Variants in SMTNL1 observed in about 807,000 individuals in gnomAD.
The protein encoded by SMTNL1 is smoothelin-like protein 1.
SMTNL1 carries 41 observed loss-of-function variants against 46.6 expected under a neutral mutation model. That is an observed-to-expected ratio of 0.88 (90% CI 0.69 to 1.14). The LOEUF is 1.14. SMTNL1 is among the 50% of genes most tolerant of loss of function. The pLI is 0.00. For synonymous variants in SMTNL1, 234 were observed against 234.2 expected (o/e 1.00, Z 0.01); for missense variants, 591 against 626.1 (o/e 0.94, Z 0.60).
intron 7 of SMTNL1, 147 bp from the exon 8 acceptor site, chr11:57,549,821 G>A: frequency 1.3e-6 from 1 of 789,692 alleles, no homozygotes; most frequent in East Asian, 2.6e-5. Flanking sequence ...GATATATAAT[G>A]GGATGATTGG....
chr11:57,545,810 A>T, intron 4 of SMTNL1, 71 bp from the exon 5 acceptor site: 1 of 687,184 alleles, frequency 1.5e-6, no homozygotes, highest in South Asian at 1.9e-5. Context: ...CTCCAGCCCC[A>T]CAGCCCCCTC....
chr11:57,545,857 A>C, intron 4 of SMTNL1, 24 bp from the exon 5 acceptor site: 3 of 1,603,730 alleles, frequency 1.9e-6, no homozygotes, highest in Non-Finnish European at 1.7e-6. Context: ...CCTCTCTCAC[A>C]CGTCTTTGGA....
intron 1 of SMTNL1, among the ~76,000 whole-genome samples, chr11:57,541,996 C>G (rs1944880737): frequency 6.6e-6 from 1 of 151,858 alleles, no homozygotes; most frequent in Non-Finnish European, 1.5e-5. Flanking sequence ...TGTGACCAGG[C>G]ACTGCTCATG....
chr11:57,543,614 C>A lies in SMTNL1; in HGVS notation c.733-10C>A. ...TGACCATGAGCTCACGCAGATCATG[C>A]TCATTCCAGGAGCCAGGCAGTCCCA... On this transcript the variant is annotated splice_polypyrimidine_tract_variant and intron_variant, in intron 2 of 7. Coordinates refer to ENST00000527972, the MANE Select transcript of SMTNL1 (RefSeq NM_001105565.3). The A allele has an allele frequency of 6.2e-7, 1 of 1,605,890 alleles. No individual in the cohort carries two copies.
rs1419187151 is a variant in SMTNL1 at position 57,550,094 on chromosome 11, G to A, written c.1467G>A (p.Val489=). Reference sequence around the variant, plus strand: ...GCAGCCTTGTGCAGAAAGGACTGGTGAAGACCAAGAAGAAGTGAGGAGGTG... The same window carrying A: ...GCAGCCTTGTGCAGAAAGGACTGGTAAAGACCAAGAAGAAGTGAGGAGGTG... ...LYRSLVQKGL[V]KTKKK is the part of the protein sequence containing the mutation. The change falls in exon 8 of 8, where the codon GTG becomes GTA. Residue 489 remains valine, a synonymous_variant. Coordinates refer to ENST00000527972, the MANE Select transcript of SMTNL1 (RefSeq NM_001105565.3). 2 of 1,613,188 alleles carry A rather than the reference G, an allele frequency of 1.2e-6. No individual in the cohort carries two copies. Among genetic ancestry groups the A allele is most frequent in the South Asian group, 2.2e-5 (2 of 90,908 alleles).
rs531344027 is a variant in SMTNL1, at chr11:57,538,649, T to C, written c.-3+1007T>C. On this transcript the variant is annotated intron_variant, in intron 1 of 7. Transcript: ENST00000527972. Reference sequence around the variant, plus strand: ...GTGGGAGCATATATTTGATGTGAGCTCTGGAGTGGAAGTTGGGATACTTGG... The same window carrying C: ...GTGGGAGCATATATTTGATGTGAGCCCTGGAGTGGAAGTTGGGATACTTGG... Among the ~76,000 whole-genome samples, 130 of 152,244 alleles carry C rather than the reference T, an allele frequency of 8.5e-4. 1 individual carries two copies. The highest frequency in any genetic ancestry group is 3.1e-3 in the African/African-American group (128 of 41,554).
At position 57,543,330 on chromosome 11, in the gene SMTNL1, G is replaced by T; in HGVS notation, c.688G>T (p.Glu230Ter). The T allele has an allele frequency of 1.2e-6, 2 of 1,613,994 alleles. No individual in the cohort carries two copies. Among genetic ancestry groups the T allele is most frequent in the Non-Finnish European group, 1.7e-6 (2 of 1,179,876 alleles). The part of the protein sequence containing the change: ...GKEEAKHGAK[E>*]EADAKEEAED... ...AGAGGAGGCCAAACATGGTGCAAAA[G>T]AGGAGGCTGATGCAAAAGAGGAGGC... The change falls in exon 2 of 8, where the codon GAG becomes TAG. Residue 230 changes from glutamate to a stop codon, truncating the protein, a stop_gained. Coordinates refer to ENST00000527972, the MANE Select transcript of SMTNL1 (RefSeq NM_001105565.3). LOFTEE classifies it high-confidence loss of function.
In SMTNL1 at chr11:57,545,934, G is replaced by T; in HGVS notation, c.971G>T (p.Gly324Val). Residue 324 changes from glycine (G) to valine (V), a missense_variant, in exon 5 of 8, where the codon GGG becomes GTG. Physicochemically the swap from Gly to Val is moderately radical, Grantham distance 109. Coordinates refer to ENST00000527972, the MANE Select transcript of SMTNL1 (RefSeq NM_001105565.3). Reference protein sequence around the residue: ...PQSPPESPSSGEKKEKAPERR... With the variant: ...PQSPPESPSSVEKKEKAPERR... ...AGTCCCCCTGAGTCCCCTTCCTCAG[G>T]GGAGAAGAAGGAGAAGGCACCAGAG... is the stretch of plus-strand genomic sequence containing the variant. 6.2e-7 allele frequency: 1 copy of T among 1,613,696 alleles called. No homozygotes were observed. Among genetic ancestry groups the T allele is most frequent in the Non-Finnish European group, 8.5e-7 (1 of 1,179,782 alleles).
chr11:57,543,366 G>C lies in SMTNL1; in HGVS notation c.724G>C (p.Glu242Gln). Residue 242 changes from glutamate to glutamine, a missense_variant, in exon 2 of 8, where the codon GAG (glutamate) becomes CAG (glutamine). Physicochemically the swap from Glu to Gln is conservative, Grantham distance 29. Transcript: ENST00000527972. ...TGCAAAAGAGGAGGCGGAGGATGCAGAGGAGGCAGTGAGTGAGGCAGGAAA... is the reference window on the plus strand; with the variant it reads ...TGCAAAAGAGGAGGCGGAGGATGCACAGGAGGCAGTGAGTGAGGCAGGAAA... ...ADAKEEAEDA[E>Q]EAEPGSPSEE... The C allele has an allele frequency of 6.2e-7, 1 of 1,613,464 alleles. No individual in the cohort carries two copies. Among genetic ancestry groups the C allele is most frequent in the Non-Finnish European group, 8.5e-7 (1 of 1,179,534 alleles).
chr11:57,543,057 G>A lies in SMTNL1; in HGVS notation c.415G>A (p.Ala139Thr). ...CACGCTGGCCTCTGAGAAGCAGAAG[G>A]CTGAGGAGAAAGAGGCCAAACCTGA... ...ESTLASEKQK[A>T]EEKEAKPESG... is the part of the protein sequence containing the mutation. Residue 139 changes from alanine (A) to threonine (T), a missense_variant, in exon 2 of 8, where the codon GCT (alanine) becomes ACT (threonine). Ala to Thr is a moderately conservative substitution (Grantham distance 58). Transcript: ENST00000527972. The A allele has an allele frequency of 6.2e-7, 1 of 1,607,986 alleles. No individual in the cohort carries two copies. The highest frequency in any genetic ancestry group is 8.5e-7 in the Non-Finnish European group (1 of 1,177,094).
chr11:57,545,790 G>GCCCC, intron 4 of SMTNL1, 91 bp from the exon 5 acceptor site: 4 of 1,239,912 alleles, frequency 3.2e-6, no homozygotes, highest in Non-Finnish European at 3.4e-6. Context: ...AGACTGCAGT[G>GCCCC]CCACCCACCC....
chr11:57,548,105 G>T (rs910738498), intron 7 of SMTNL1, among the ~76,000 whole-genome samples: 1 of 152,140 alleles, frequency 6.6e-6, no homozygotes, highest in African/African-American at 2.4e-5. Context: ...ACGTCCAAGG[G>T]GAAGCACCTG....
Position 57,542,610 on chromosome 11 carries a change from A to C in SMTNL1, c.-2-31A>C, listed in dbSNP as rs370237515. The C allele has an allele frequency of 4.2e-5, 65 of 1,565,894 alleles. No individual in the cohort carries two copies. The African/African-American group carries it at 8.6e-4, about 21-fold the overall frequency. Reference sequence around the variant, plus strand: ...TCTTCACCTCATGCTGGGCTGGGGCATGACCAGGTCTGCTTGTCTTCTCTT... The same window carrying C: ...TCTTCACCTCATGCTGGGCTGGGGCCTGACCAGGTCTGCTTGTCTTCTCTT... On this transcript the variant is annotated intron_variant, in intron 1 of 7. Transcript: ENST00000527972.
chr11:57,543,559 A>G (rs1944899152), intron 2 of SMTNL1, 65 bp from the exon 3 acceptor site: 1 of 1,564,934 alleles, frequency 6.4e-7, no homozygotes. Flanking sequence ...AACTTTCTGA[A>G]GTCCTCATGA....
rs1406461179 is a variant in SMTNL1 at position 57,543,201 on chromosome 11, A to T, written c.559A>T (p.Thr187Ser). The change falls in exon 2 of 8, where the codon ACT becomes TCT. Residue 187 changes from threonine (T) to serine (S), a missense_variant. Transcript: ENST00000527972. ...EETGQRKECS[T>S]EPKEKATDEE... is the part of the protein sequence containing the mutation. ...GACAGGCCAGAGGAAAGAGTGCAGC[A>T]CTGAACCCAAGGAGAAGGCTACTGA... 6.2e-7 allele frequency: 1 copy of T among 1,613,882 alleles called. No homozygotes were observed. Among genetic ancestry groups the T allele is most frequent in the East Asian group, 2.2e-5 (1 of 44,866 alleles).
chr11:57,545,114 G>A (rs1207747888), intron 4 of SMTNL1, among the ~76,000 whole-genome samples: 2 of 151,964 alleles, frequency 1.3e-5, no homozygotes. Context: ...TGGGATTACA[G>A]GCATGAGCCA....
chr11:57,537,689 C>A (rs977281122), intron 1 of SMTNL1, among the ~76,000 whole-genome samples, 47 bp downstream of exon 1: 2 of 152,230 alleles, frequency 1.3e-5, no homozygotes, highest in Non-Finnish European at 2.9e-5. Flanking sequence ...CCCCATCTGC[C>A]AATTCTCACT....
rs1159686886 is a variant in SMTNL1 at position 57,542,812 on chromosome 11, C to T, written c.170C>T (p.Pro57Leu). 1 of 1,613,818 alleles carries T rather than the reference C, an allele frequency of 6.2e-7. No individual in the cohort carries two copies. The change falls in exon 2 of 8, where the codon CCA (proline) becomes CTA (leucine). Residue 57 changes from proline to leucine, a missense_variant. By Grantham distance (98) the Pro-to-Leu change is moderately conservative (BLOSUM62 -3). Coordinates refer to ENST00000527972, the MANE Select transcript of SMTNL1 (RefSeq NM_001105565.3). Reference sequence around the variant, plus strand: ...GAGTCAGGAAAGCAGGAAAAGGCACCAGCCGAGGACGGCATGTCAGCAGAA... The same window carrying T: ...GAGTCAGGAAAGCAGGAAAAGGCACTAGCCGAGGACGGCATGTCAGCAGAA... ...PTESGKQEKA[P>L]AEDGMSAELQ... is the part of the protein sequence containing the mutation.
intron 7 of SMTNL1, among the ~76,000 whole-genome samples, chr11:57,546,899 G>A (rs765010320): frequency 3.9e-5 from 6 of 152,264 alleles, no homozygotes; most frequent in Middle Eastern, 3.4e-3. Flanking sequence ...CTGGGAGGCC[G>A]AGGCAGGAGA....
Sources: gnomAD v4.1 joint callset for allele counts (sites outside exome capture counted in the v4.1 genomes callset) on GRCh38, gnomAD v4.1.1 for gene constraint, MANE v1.5 for transcripts, NCBI Gene and HGNC (gene_info 2026-07-23, HGNC 2026-07-21) for gene names.